Variants in FBXL7 observed in about 807,000 individuals in gnomAD.
FBXL7 encodes F-box/LRR-repeat protein 7.
In FBXL7, 12 loss-of-function variants were observed where a neutral mutation model predicts 38.3. That is an observed-to-expected ratio of 0.31 (90% CI 0.20 to 0.51). FBXL7 has a LOEUF of 0.51. Ranked by LOEUF, FBXL7 falls within the 20% of genes least tolerant of loss-of-function variation. FBXL7 has a pLI of 0.98. For synonymous variants in FBXL7, 297 were observed against 300.9 expected, an observed-to-expected ratio of 0.99 and a Z score of 0.13; for missense variants, 567 against 676.4, an observed-to-expected ratio of 0.84 and a Z score of 1.79.
At chr5:15,881,711 C>G (rs1241332088) in intron 2 of FBXL7, among the ~76,000 whole-genome samples, 2 of 152,166 alleles carry the variant, frequency 1.3e-5, no homozygotes, top group African/African-American at 4.8e-5. Flanking sequence ...TATGACATTC[C>G]CAACCTAAGA....
At chr5:15,576,767 G>C (rs1441199664) in intron 1 of FBXL7, among the ~76,000 whole-genome samples, 1 of 151,878 alleles carries the variant, frequency 6.6e-6, no homozygotes, top group African/African-American at 2.4e-5. Context: ...CTGAGGTTTG[G>C]GTCATTAGCT....
Position 15,928,077 on chromosome 5 carries a change from C to T in FBXL7, c.315C>T (p.Ser105=). 6.2e-7 allele frequency: 1 copy of T among 1,611,294 alleles called. No individual in the cohort carries two copies. Among genetic ancestry groups the T allele is most frequent in the Non-Finnish European group, 8.5e-7 (1 of 1,178,980 alleles). The part of the protein sequence containing the change: ...RLTHPLIRLA[S]RPQKEQASID... The stretch of plus-strand genomic sequence containing the variant: ...CACACCCGCTCATCCGGCTCGCCTC[C>T]AGACCCCAGAAGGAGCAGGCCAGCA... The change falls in exon 3 of 4, where the codon TCC becomes TCT. Residue 105 remains serine (S), a synonymous_variant. Coordinates refer to ENST00000504595, the MANE Select transcript of FBXL7 (RefSeq NM_012304.5). The surrounding 1 kb of genome is among the most constrained non-coding windows in gnomAD (Gnocchi z 4.0).
At chr5:15,521,395 A>G (rs1202188474) in intron 1 of FBXL7, among the ~76,000 whole-genome samples, 2 of 152,218 alleles carry the variant, frequency 1.3e-5, no homozygotes, top group East Asian at 3.8e-4. Flanking sequence ...ATTGGTTGTA[A>G]AATGAAGGTA....
In FBXL7 at chr5:15,936,821, G is replaced by A. The variant is rs1310567327; in HGVS notation, c.1111G>A (p.Val371Met). Residue 371 changes from valine (V) to methionine (M), a missense_variant, in exon 4 of 4, where the codon GTG (valine) becomes ATG (methionine). Physicochemically the swap from Val to Met is conservative, Grantham distance 21. Coordinates refer to ENST00000504595, the MANE Select transcript of FBXL7 (RefSeq NM_012304.5). This position sits in a 1 kb window ranked among gnomAD's most constrained non-coding sequence, Gnocchi z 6.0. ...GGTCACCGACGTGGGCATCCGCTAC[G>A]TGGCCAAGTACTGCAGCAAGCTGCG... ...GRVTDVGIRY[V>M]AKYCSKLRYL... 1 of 1,613,342 alleles carries A rather than the reference G, an allele frequency of 6.2e-7. No individual in the cohort carries two copies.
At chr5:15,530,614 T>C (rs542889210) in intron 1 of FBXL7, among the ~76,000 whole-genome samples, 48 of 152,292 alleles carry the variant, frequency 3.2e-4, no homozygotes, top group South Asian at 1.0e-3. Context: ...AAAGCTGTTA[T>C]GGTTATCGTT....
intron 2 of FBXL7, among the ~76,000 whole-genome samples, chr5:15,715,923 T>G (rs990134572): frequency 6.6e-6 from 1 of 152,210 alleles, no homozygotes; most frequent in Non-Finnish European, 1.5e-5. Context: ...ACTACAGATA[T>G]GTTTAATGCC....
chr5:15,770,316 G>A (rs550011603), intron 2 of FBXL7, among the ~76,000 whole-genome samples: 2 of 152,272 alleles, frequency 1.3e-5, no homozygotes, highest in South Asian at 4.1e-4. Flanking sequence ...CAGCTGGGGA[G>A]GGCCATGTCA....
intron 2 of FBXL7, among the ~76,000 whole-genome samples, chr5:15,841,858 A>G (rs1738754297): frequency 6.6e-6 from 1 of 152,170 alleles, no homozygotes; most frequent in Non-Finnish European, 1.5e-5. Flanking sequence ...TCAAGAATTG[A>G]GGTTTGGGAA....
chr5:15,703,894 T>C (rs1395473626), intron 2 of FBXL7, among the ~76,000 whole-genome samples: 1 of 152,006 alleles, frequency 6.6e-6, no homozygotes, highest in African/African-American at 2.4e-5. Flanking sequence ...AATTGTATTT[T>C]CCCAGAATGT....
At chr5:15,860,490 A>C (rs1739430444) in intron 2 of FBXL7, among the ~76,000 whole-genome samples, 1 of 152,222 alleles carries the variant, frequency 6.6e-6, no homozygotes, top group Admixed American at 6.5e-5. Flanking sequence ...CGTATTGAAA[A>C]GTCCTAGTTG....
intron 2 of FBXL7, among the ~76,000 whole-genome samples, chr5:15,753,774 G>A (rs1399880422): frequency 6.6e-6 from 1 of 152,124 alleles, no homozygotes; most frequent in African/African-American, 2.4e-5. Context: ...TAAGCAGTGG[G>A]ATCATCCCCC....
chr5:15,542,225 T>G (rs1247856109), intron 1 of FBXL7, among the ~76,000 whole-genome samples: 1 of 152,212 alleles, frequency 6.6e-6, no homozygotes, highest in Non-Finnish European at 1.5e-5. Flanking sequence ...AATGTTTATT[T>G]TCAGTTAGTA....
chr5:15,505,126 C>T (rs996666701), intron 1 of FBXL7, among the ~76,000 whole-genome samples: 11 of 152,174 alleles, frequency 7.2e-5, no homozygotes, highest in African/African-American at 2.4e-4. Flanking sequence ...AAATCCATCG[C>T]CACCTCAGGA....
At chr5:15,590,987 TAAC>T (rs1173647367) in intron 1 of FBXL7, among the ~76,000 whole-genome samples, 1 of 152,164 alleles carries the variant, frequency 6.6e-6, no homozygotes, top group African/African-American at 2.4e-5. Context: ...GTTGTGTAAA[TAAC>T]AAGTCTAGGA....
intron 2 of FBXL7, among the ~76,000 whole-genome samples, chr5:15,723,541 G>T (rs1353103135): frequency 1.3e-5 from 2 of 152,174 alleles, no homozygotes; most frequent in Non-Finnish European, 1.5e-5. Flanking sequence ...ACATGGCACT[G>T]CTGACATAGA....
intron 2 of FBXL7, among the ~76,000 whole-genome samples, chr5:15,900,887 A>G (rs1461135265): frequency 6.6e-6 from 1 of 152,236 alleles, no homozygotes; most frequent in Non-Finnish European, 1.5e-5. Flanking sequence ...AAGAAAAGCT[A>G]AACAGATAAC....
intron 2 of FBXL7, among the ~76,000 whole-genome samples, chr5:15,813,532 T>C (rs1737925701): frequency 6.6e-6 from 1 of 152,094 alleles, no homozygotes; most frequent in South Asian, 2.1e-4. Context: ...ACTTCATGTC[T>C]AAAACACCAA....
At chr5:15,721,028 T>C (rs1403595684) in intron 2 of FBXL7, among the ~76,000 whole-genome samples, 1 of 152,178 alleles carries the variant, frequency 6.6e-6, no homozygotes, top group Non-Finnish European at 1.5e-5. Context: ...TGGAATATTT[T>C]ACTCTTTAAA....
intron 2 of FBXL7, among the ~76,000 whole-genome samples, chr5:15,813,613 A>G (rs441343): frequency 0.54 from 80,727 of 150,758 alleles, 22,447 homozygotes; most frequent in Non-Finnish European, 0.63. Context: ...GCACAGCAAA[A>G]GAAACTATCA....
Sources: gnomAD v4.1 joint callset for allele counts (sites outside exome capture counted in the v4.1 genomes callset) on GRCh38, gnomAD v4.1.1 for gene constraint, Gnocchi (gnomAD v3.1) non-coding constraint, MANE v1.5 for transcripts, NCBI Gene and HGNC (gene_info 2026-07-23, HGNC 2026-07-21) for gene names.